TMEM168: variants seen among roughly 807,000 people sequenced by gnomAD.
TMEM168 encodes the protein transmembrane protein 168.
A neutral mutation model predicts 53.2 loss-of-function variants in TMEM168; 40 were observed. The ratio of observed to expected loss-of-function variants is 0.75; its 90% confidence interval spans 0.58 to 0.98. TMEM168 has a LOEUF of 0.98. Ranked by LOEUF, TMEM168 falls within the 50% of genes least tolerant of loss-of-function variation. The pLI is 0.00. For synonymous variants in TMEM168, 282 were observed against 293.0 expected (o/e 0.96, Z 0.38); for missense variants, 771 against 828.8 (o/e 0.93, Z 0.86).
Position 112,767,398 on chromosome 7 carries a change from C to T in TMEM168, c.1893G>A (p.Thr631=), listed in dbSNP as rs776205981. 9 of 1,614,130 alleles carry T rather than the reference C, an allele frequency of 5.6e-6. No homozygotes were observed. The highest frequency in any genetic ancestry group is 2.2e-5 in the East Asian group (1 of 44,882). ...TCCAGTGCTTGGCCACATCGCTTCCCGTTGGCAAATGCAGAGTGTAGTCAC... is the reference window on the plus strand; with the variant it reads ...TCCAGTGCTTGGCCACATCGCTTCCTGTTGGCAAATGCAGAGTGTAGTCAC... ...RWSDYTLHLP[T]GSDVAKHWML... is the part of the protein sequence containing the mutation. The change falls in exon 5 of 5, where the codon ACG becomes ACA. Residue 631 remains threonine (T), a synonymous_variant. Transcript: ENST00000312814.
intron 4 of TMEM168, 43 bp downstream of exon 4, chr7:112,772,738 A>G (rs1164001471): frequency 9.5e-6 from 15 of 1,584,800 alleles, no homozygotes; most frequent in Admixed American, 1.7e-5. Flanking sequence ...CTACATATAC[A>G]TGTGTATCTT....
intron 4 of TMEM168, among the ~76,000 whole-genome samples, chr7:112,769,164 C>T (rs1412275942): frequency 1.3e-5 from 2 of 152,262 alleles, no homozygotes; most frequent in East Asian, 3.9e-4. Flanking sequence ...GGGATTCTAT[C>T]ATATTCTTTA....
chr7:112,782,207 T>A (rs79321816), intron 2 of TMEM168, among the ~76,000 whole-genome samples: 2,195 of 152,218 alleles, frequency 0.014, 28 homozygotes, highest in Non-Finnish European at 0.021. Flanking sequence ...AGATCAACTT[T>A]AGGAAAGAGT....
intron 1 of TMEM168, among the ~76,000 whole-genome samples, chr7:112,788,935 T>C (rs1392319045): frequency 6.6e-6 from 1 of 152,148 alleles, no homozygotes; most frequent in Admixed American, 6.5e-5. Context: ...AGCACTCCAC[T>C]ATGTAAAATG....
At chr7:112,774,743 G>C (rs563903970) in intron 3 of TMEM168, among the ~76,000 whole-genome samples, 1 of 152,018 alleles carries the variant, frequency 6.6e-6, no homozygotes, top group Admixed American at 6.6e-5. Context: ...ACCACACCTG[G>C]CTAATTTTTG....
chr7:112,784,049 T>C lies in TMEM168; in HGVS notation c.777A>G (p.Gly259=). 1 of 1,611,738 alleles carries C rather than the reference T, an allele frequency of 6.2e-7. No homozygotes were observed. The highest frequency in any genetic ancestry group is 2.2e-5 in the East Asian group (1 of 44,852). The change falls in exon 2 of 5, where the codon GGA becomes GGG. Residue 259 remains glycine, a synonymous_variant. Coordinates refer to ENST00000312814, the MANE Select transcript of TMEM168 (RefSeq NM_022484.6). ...CGACTGAAAGTCTTCTGCAAATTCTTCCACGGTACAAAAAGGGTTTCCATC... is the reference window on the plus strand; with the variant it reads ...CGACTGAAAGTCTTCTGCAAATTCTCCCACGGTACAAAAAGGGTTTCCATC... The part of the protein sequence containing the change: ...TERWKPFLYR[G]RICRRLSVVF...
intron 4 of TMEM168, among the ~76,000 whole-genome samples, chr7:112,769,439 G>A (rs2116225867): frequency 6.6e-6 from 1 of 152,194 alleles, no homozygotes; most frequent in East Asian, 1.9e-4. Context: ...GAACTATTAT[G>A]TAAATTCCAT....
intron 3 of TMEM168, among the ~76,000 whole-genome samples, chr7:112,774,908 C>G (rs1034940260): frequency 1.3e-5 from 2 of 152,014 alleles, no homozygotes; most frequent in African/African-American, 4.8e-5. Context: ...CAAAATATTC[C>G]CTTTAGGGTA....
At chr7:112,770,553 A>C (rs899187844) in intron 4 of TMEM168, among the ~76,000 whole-genome samples, 1 of 152,146 alleles carries the variant, frequency 6.6e-6, no homozygotes, top group African/African-American at 2.4e-5. Flanking sequence ...TAAAGTCTTC[A>C]AAAATTATTC....
In TMEM168 at chr7:112,764,469, A is replaced by ATTTC. The variant is rs1263900496; in HGVS notation, c.*2724_*2727dup. 3.2e-4 allele frequency: 48 copies of ATTTC among 150,588 alleles called. No homozygotes were observed. The highest frequency in any genetic ancestry group is 1.1e-3 in the African/African-American group (45 of 40,756). The allele number at this position is 150,588 out of a possible 1,614,324, so 9.3% of individuals were successfully genotyped here. A position where few individuals can be genotyped will look rare whatever the true frequency, so the allele number is the denominator to read the frequency against. On this transcript the variant is annotated 3_prime_UTR_variant, in exon 5 of 5. Transcript: ENST00000312814. ...CCAATCACTTTATTCTTCTTGTAAT[A>ATTTC]TTTCTTTTCTACACCCTTATTATTT...
intron 2 of TMEM168, among the ~76,000 whole-genome samples, chr7:112,776,700 G>A (rs188001727): frequency 6.0e-5 from 9 of 149,984 alleles, no homozygotes; most frequent in African/African-American, 2.2e-4. Flanking sequence ...CAGCTACTCT[G>A]AAATATTCCC....
intron 2 of TMEM168, among the ~76,000 whole-genome samples, chr7:112,782,552 A>G (rs1447488927): frequency 6.6e-6 from 1 of 152,192 alleles, no homozygotes; most frequent in Non-Finnish European, 1.5e-5. Flanking sequence ...AACACCAGCA[A>G]GTAGAGCAAA....
rs1026036434 is a variant in TMEM168, at chr7:112,789,191, C to T, written c.-129+969G>A. On this transcript the variant is annotated intron_variant, in intron 1 of 4. Coordinates refer to ENST00000312814, the MANE Select transcript of TMEM168 (RefSeq NM_022484.6). ...TGCTCACACCTGGCTTATTCCAACT[C>T]TTCAGGTCTCAGATAAATCATTTTC... is the stretch of plus-strand genomic sequence containing the variant. Among the ~76,000 whole-genome samples, 4 of 152,290 alleles carry T rather than the reference C, an allele frequency of 2.6e-5. No homozygotes were observed. The East Asian group carries it at 5.8e-4, about 22-fold the overall frequency.
intron 2 of TMEM168, among the ~76,000 whole-genome samples, chr7:112,775,977 C>G (rs1264964941): frequency 6.6e-6 from 1 of 151,414 alleles, no homozygotes; most frequent in Non-Finnish European, 1.5e-5. Flanking sequence ...AGGAGGCAAT[C>G]AGGTATTAAT....
intron 2 of TMEM168, among the ~76,000 whole-genome samples, chr7:112,776,732 T>G (rs768606084): frequency 6.6e-6 from 1 of 151,380 alleles, no homozygotes; most frequent in African/African-American, 2.4e-5. Context: ...AATGTATTTT[T>G]CACAAATACA....
At position 112,775,274 on chromosome 7, in the gene TMEM168, T is replaced by C. The variant is rs147011411; in HGVS notation, c.1173A>G (p.Pro391=). The stretch of plus-strand genomic sequence containing the variant: ...AGAGCCCATGAGCCATGGATTCCAA[T>C]GGCAAAACGATTAGAAACATGCTCA... ...IFLSMFLIVL[P]LESMAHGLFH... Residue 391 remains proline (P), a synonymous_variant, in exon 3 of 5, where the codon CCA becomes CCG. Transcript: ENST00000312814. 1.8e-5 allele frequency: 29 copies of C among 1,613,566 alleles called. No homozygotes were observed. The East Asian group carries it at 5.1e-4, about 29-fold the overall frequency.
At position 112,790,271 on chromosome 7, in the gene TMEM168, A is replaced by C. The variant is rs1031766432; in HGVS notation, c.-240T>G. 6.6e-6 allele frequency: 1 copy of C among 152,584 alleles called. No individual in the cohort carries two copies. The highest frequency in any genetic ancestry group is 2.4e-5 in the African/African-American group (1 of 41,482). 9.5% of individuals were successfully genotyped at this position (152,584 alleles called of 1,614,324 possible). The stretch of plus-strand genomic sequence containing the variant: ...CTTCAGCCTGCGACTGAGAACAGGG[A>C]GGCGGCACGCCTTGGGGAACGAGGG... On this transcript the variant is annotated 5_prime_UTR_variant, in exon 1 of 5. Transcript: ENST00000312814.
At chr7:112,771,554 A>T (rs1181850765) in intron 4 of TMEM168, among the ~76,000 whole-genome samples, 1 of 152,200 alleles carries the variant, frequency 6.6e-6, no homozygotes, top group South Asian at 2.1e-4. Context: ...TTTCTACTAG[A>T]AGGCCACTGA....
In TMEM168 at chr7:112,762,620, G is replaced by A. The variant is rs141197088; in HGVS notation, c.*4577C>T. 26 of 152,088 alleles carry A rather than the reference G, an allele frequency of 1.7e-4. No homozygotes were observed. The highest frequency in any genetic ancestry group is 5.5e-4 in the African/African-American group (23 of 41,538). 9.4% of individuals were successfully genotyped at this position (152,088 alleles called of 1,614,324 possible). A position where few individuals can be genotyped will look rare whatever the true frequency, so the allele number is the denominator to read the frequency against. On this transcript the variant is annotated 3_prime_UTR_variant, in exon 5 of 5. Transcript: ENST00000312814. Reference sequence around the variant, plus strand: ...TAAGTTCAAACTTATAAAATATTATGAGGTCATCATACAAGATGACTGGTC... The same window carrying A: ...TAAGTTCAAACTTATAAAATATTATAAGGTCATCATACAAGATGACTGGTC...
Sources: allele counts gnomAD v4.1 joint callset (sites outside exome capture counted in the v4.1 genomes callset), GRCh38; gene constraint gnomAD v4.1.1; transcripts MANE v1.5; gene names NCBI Gene and HGNC (gene_info 2026-07-23, HGNC 2026-07-21).